NBAS: variants seen among roughly 807,000 people sequenced by gnomAD.
NBAS encodes the protein NAG/BC035112 fusion.
NBAS carries 219 observed loss-of-function variants against 302.5 expected under a neutral mutation model. That is an observed-to-expected ratio of 0.72 (90% confidence interval 0.65 to 0.81). The LOEUF (loss-of-function observed/expected upper bound fraction) is 0.81, where lower values mean the gene tolerates loss of function less well. Ranked by LOEUF, NBAS falls within the 30% of genes least tolerant of loss-of-function variation. NBAS has a pLI of 0.00. For missense variants in NBAS, 2,932 were observed against 2,841.6 expected, an observed-to-expected ratio of 1.03 and a Z score of -0.72; for synonymous variants, 1,118 against 1,021.6, an observed-to-expected ratio of 1.09 and a Z score of -1.80.
In NBAS at chr2:15,461,764, C is replaced by A; in HGVS notation, c.2125G>T (p.Glu709Ter). 6.2e-7 allele frequency: 1 copy of A among 1,605,634 alleles called. No individual in the cohort carries two copies. The highest frequency in any genetic ancestry group is 1.1e-5 in the South Asian group (1 of 90,622). ...EEILGVPHAS[E>*]QRYDAEFFKK... ...AAGAATTCAGCATCATATCTCTGTT[C>A]AGATGCATGAGGCACTCCTAGGATT... is the stretch of plus-strand genomic sequence containing the variant. Residue 709 changes from glutamate to a stop codon, truncating the protein, a stop_gained, in exon 20 of 52, where the codon GAA becomes TAA. Coordinates refer to ENST00000281513, the MANE Select transcript of NBAS (RefSeq NM_015909.4). LOFTEE classifies it high-confidence loss of function.
intron 44 of NBAS, among the ~76,000 whole-genome samples, chr2:15,239,720 A>G (rs1667774756): frequency 1.3e-5 from 2 of 151,702 alleles, no homozygotes; most frequent in Non-Finnish European, 2.9e-5. Context: ...ATATATTATT[A>G]AGGTGTTAGG....
Position 15,338,674 on chromosome 2 carries a change from T to TACACACACACACACAC in NBAS, c.4180-7925_4180-7910dup, listed in dbSNP as rs70961409. Among the ~76,000 whole-genome samples, 81 of 134,842 alleles carry TACACACACACACACAC rather than the reference T, an allele frequency of 6.0e-4. 1 individual carries two copies. The highest frequency in any genetic ancestry group is 1.7e-3 in the Admixed American group (23 of 13,324). The allele number at this position is 134,842 out of a possible 152,430, so 88.5% of individuals were successfully genotyped here. ...ACTCACATGAATACAAACACACACA[T>TACACACACACACACAC]ACACACACACACACACACACACACA... is the stretch of plus-strand genomic sequence containing the variant. On this transcript the variant is annotated intron_variant, in intron 35 of 51. Coordinates refer to ENST00000281513, the MANE Select transcript of NBAS (RefSeq NM_015909.4).
intron 47 of NBAS, among the ~76,000 whole-genome samples, chr2:15,225,054 C>A (rs1030573539): frequency 6.6e-6 from 1 of 152,046 alleles, no homozygotes; most frequent in East Asian, 1.9e-4. Flanking sequence ...AAGAAAAATG[C>A]CTGGAATGGT....
the NBAS span, among the ~76,000 whole-genome samples, chr2:14,898,692 TTC>T: frequency 6.6e-6 from 1 of 152,342 alleles, no homozygotes; most frequent in Non-Finnish European, 1.5e-5. Flanking sequence ...GTCTTCCTCA[TTC>T]TCTCTTTGCC....
At chr2:15,555,122 G>A (rs1048695778) in intron 3 of NBAS, among the ~76,000 whole-genome samples, 2 of 152,064 alleles carry the variant, frequency 1.3e-5, no homozygotes, top group Non-Finnish European at 2.9e-5. Flanking sequence ...ACAATGGTAT[G>A]TGCCTATAGT....
intron 44 of NBAS, among the ~76,000 whole-genome samples, chr2:15,253,888 C>T (rs975834362): frequency 3.3e-5 from 5 of 152,096 alleles, no homozygotes; most frequent in African/African-American, 1.2e-4. Flanking sequence ...CCCCATCTTG[C>T]CTTTAGCCTT....
the NBAS span, among the ~76,000 whole-genome samples, chr2:15,073,121 C>T: frequency 6.6e-6 from 1 of 151,000 alleles, no homozygotes; most frequent in South Asian, 2.1e-4. Flanking sequence ...GAAACCCTGA[C>T]TCAAAACAAA....
chr2:15,203,567 T>C (rs1168929439), intron 48 of NBAS, among the ~76,000 whole-genome samples: 2 of 152,190 alleles, frequency 1.3e-5, no homozygotes, highest in East Asian at 3.8e-4. Flanking sequence ...TGTCTACCTA[T>C]ATTTTCTCCA....
the NBAS span, among the ~76,000 whole-genome samples, chr2:14,874,037 A>C: frequency 2.6e-5 from 4 of 152,180 alleles, no homozygotes; most frequent in East Asian, 7.7e-4. Context: ...AAGGTTTATA[A>C]AATTGATAAG....
At position 15,442,725 on chromosome 2, in the gene NBAS, G is replaced by T. The variant is rs545900153; in HGVS notation, c.2340-14931C>A. Among the ~76,000 whole-genome samples the T allele has an allele frequency of 2.9e-3, 442 of 151,912 alleles. 2 individuals are homozygous for T. The highest frequency in any genetic ancestry group is 1.0e-2 in the African/African-American group (413 of 41,398). ...TAATGAATCCAGGAGCTAGTTTTTT[G>T]AAAGGATCAACAAAATTGATAGACC... On this transcript the variant is annotated intron_variant, in intron 21 of 51. Transcript: ENST00000281513.
At chr2:15,388,675 G>A (rs1675432419) in intron 28 of NBAS, among the ~76,000 whole-genome samples, 1 of 152,130 alleles carries the variant, frequency 6.6e-6, no homozygotes, top group Non-Finnish European at 1.5e-5. Context: ...CCAGAAGACA[G>A]ATAAGTACAA....
At chr2:15,524,162 A>AT (rs1370765124) in intron 9 of NBAS, among the ~76,000 whole-genome samples, 2 of 152,222 alleles carry the variant, frequency 1.3e-5, no homozygotes, top group Non-Finnish European at 2.9e-5. Flanking sequence ...GACACCACAG[A>AT]TTTTTTACAC....
At chr2:14,821,041 C>T in the NBAS span, among the ~76,000 whole-genome samples, 1 of 152,092 alleles carries the variant, frequency 6.6e-6, no homozygotes, top group Non-Finnish European at 1.5e-5. Flanking sequence ...ACCATTCTGC[C>T]TAAGCCTTCC....
rs2147945488 is a variant in NBAS, at chr2:15,238,590, C to T, written c.5821G>A (p.Ala1941Thr). The T allele has an allele frequency of 6.2e-7, 1 of 1,613,872 alleles. No individual in the cohort carries two copies. Among genetic ancestry groups the T allele is most frequent in the South Asian group, 1.1e-5 (1 of 91,000 alleles). The stretch of plus-strand genomic sequence containing the variant: ...ACTTTAGAATCCTTAGCTTCTTGAG[C>T]TTCGTCTTCTGAGTTTCTTTTCCTT... ...KPRKRNSEDE[A>T]QEAKDSKVTY... The change falls in exon 45 of 52, where the codon GCT becomes ACT. Residue 1941 changes from alanine to threonine, a missense_variant. Transcript: ENST00000281513.
the NBAS span, among the ~76,000 whole-genome samples, chr2:14,817,164 A>G: frequency 6.6e-6 from 1 of 152,182 alleles, no homozygotes; most frequent in African/African-American, 2.4e-5. Context: ...CTGTCTCATA[A>G]TGTTATCATG....
the NBAS span, among the ~76,000 whole-genome samples, chr2:15,103,371 C>T: frequency 2.0e-5 from 3 of 152,120 alleles, no homozygotes; most frequent in Admixed American, 6.6e-5. Context: ...TTCCAGGCTC[C>T]CTTCCCAGAC....
the NBAS span, among the ~76,000 whole-genome samples, chr2:14,978,595 C>T: frequency 6.6e-6 from 1 of 152,146 alleles, no homozygotes; most frequent in Non-Finnish European, 1.5e-5. Context: ...ACAACTAACA[C>T]TTGTTAAATT....
At chr2:15,064,302 C>CAAAAAAAAAAAAAAAAAAACAA in the NBAS span, among the ~76,000 whole-genome samples, 6 of 131,380 alleles carry the variant, frequency 4.6e-5, no homozygotes, top group African/African-American at 9.3e-5. Flanking sequence ...AGAAAAGACT[C>CAAAAAAAAAAAAAAAAAAACAA]AAAAAAAAAA....
chr2:15,293,216 A>G (rs1670391474), intron 40 of NBAS, among the ~76,000 whole-genome samples: 1 of 152,204 alleles, frequency 6.6e-6, no homozygotes, highest in Non-Finnish European at 1.5e-5. Context: ...GCAGTTCAAT[A>G]ACCTCACTAT....
Sources: allele counts gnomAD v4.1 joint callset (sites outside exome capture counted in the v4.1 genomes callset), GRCh38; gene constraint gnomAD v4.1.1; transcripts MANE v1.5; gene names NCBI Gene and HGNC (gene_info 2026-07-23, HGNC 2026-07-21).